RSU1: variants seen among roughly 807,000 people sequenced by gnomAD.
The protein encoded by RSU1 is Ras suppressor protein 1, also known as rsu-1.
A neutral mutation model predicts 31.1 loss-of-function variants in RSU1; 26 were observed. The observed-to-expected ratio is 0.84, with a 90% CI of 0.61 to 1.16. RSU1 has a LOEUF of 1.16. RSU1 is among the 50% of genes most tolerant of loss of function. The pLI, the probability that RSU1 is intolerant of heterozygous loss-of-function variation, is 0.00. For synonymous variants in RSU1, 164 were observed against 136.3 expected (o/e 1.20, Z -1.41); for missense variants, 320 against 339.1 (o/e 0.94, Z 0.44).
At chr10:16,645,012 C>T (rs891468481) in intron 8 of RSU1, among the ~76,000 whole-genome samples, 1 of 152,136 alleles carries the variant, frequency 6.6e-6, no homozygotes, top group Non-Finnish European at 1.5e-5. Flanking sequence ...TCTCAACACG[C>T]TTCCTCATAT....
At chr10:16,647,207 C>G in intron 8 of RSU1, among the ~76,000 whole-genome samples, 1 of 151,984 alleles carries the variant, frequency 6.6e-6, no homozygotes, top group East Asian at 1.9e-4. Flanking sequence ...CTCCTGACCT[C>G]GTGATCTACA....
chr10:16,757,117 G>T (rs1379542825), intron 4 of RSU1, among the ~76,000 whole-genome samples: 1 of 149,872 alleles, frequency 6.7e-6, no homozygotes, highest in Non-Finnish European at 1.5e-5. Context: ...GTGGGTGTGC[G>T]TGTGTGTGTG....
At chr10:16,594,003 T>C (rs1833559332) in intron 8 of RSU1, among the ~76,000 whole-genome samples, 1 of 152,236 alleles carries the variant, frequency 6.6e-6, no homozygotes, top group South Asian at 2.1e-4. Flanking sequence ...TAAGTACCGC[T>C]GATTAAATGC....
chr10:16,703,399 A>T (rs573250985), intron 7 of RSU1, among the ~76,000 whole-genome samples: 1 of 152,220 alleles, frequency 6.6e-6, no homozygotes, highest in Admixed American at 6.5e-5. Context: ...TAAGAGTTGT[A>T]AAAATGTTCA....
At chr10:16,682,535 TACACAC>T (rs68128821) in intron 8 of RSU1, among the ~76,000 whole-genome samples, 4 of 26,470 alleles carry the variant, frequency 1.5e-4, no homozygotes, top group South Asian at 9.3e-4. Flanking sequence ...AAATCATTCA[TACACAC>T]ACACACACAC....
rs138830937 is a variant in RSU1, at chr10:16,702,786, T to A, written c.599-7631A>T. Among the ~76,000 whole-genome samples, 1,317 of 152,244 alleles carry A rather than the reference T, an allele frequency of 8.7e-3. 67 individuals carry two copies. The highest frequency in any genetic ancestry group is 0.077 in the Admixed American group (1,178 of 15,296). The stretch of plus-strand genomic sequence containing the variant: ...GTTAATGCTGGAATGAGTTAAGACT[T>A]TGGGGGACAGTTGGGAAGGCATGAT... On this transcript the variant is annotated intron_variant, in intron 7 of 8. Transcript: ENST00000345264.
intron 2 of RSU1, among the ~76,000 whole-genome samples, chr10:16,803,674 C>T (rs1300444845): frequency 6.6e-6 from 1 of 152,020 alleles, no homozygotes; most frequent in Non-Finnish European, 1.5e-5. Context: ...AGAAATAGAC[C>T]CACACAAATA....
At chr10:16,722,835 T>C (rs190291589) in intron 7 of RSU1, among the ~76,000 whole-genome samples, 18,333 of 113,974 alleles carry the variant, frequency 0.16, 3,137 homozygotes, top group African/African-American at 0.44. Context: ...TACAGCCACA[T>C]ATATGTATAT....
intron 8 of RSU1, among the ~76,000 whole-genome samples, chr10:16,687,015 C>T (rs1043486837): frequency 6.6e-6 from 1 of 152,220 alleles, no homozygotes; most frequent in Non-Finnish European, 1.5e-5. Context: ...CCAGTCAGAG[C>T]TCCCAGGCAA....
intron 7 of RSU1, among the ~76,000 whole-genome samples, chr10:16,741,074 C>G (rs1421704351): frequency 6.6e-6 from 1 of 152,132 alleles, no homozygotes; most frequent in Admixed American, 6.6e-5. Flanking sequence ...TACAAAGCAA[C>G]AGTACTAAAG....
chr10:16,713,549 T>C (rs1028223241), intron 7 of RSU1, among the ~76,000 whole-genome samples: 3 of 152,234 alleles, frequency 2.0e-5, no homozygotes, highest in South Asian at 2.1e-4. Context: ...TGGTTCTTTA[T>C]GACACTTATC....
At chr10:16,608,810 G>A (rs1441882268) in intron 8 of RSU1, among the ~76,000 whole-genome samples, 2 of 152,064 alleles carry the variant, frequency 1.3e-5, no homozygotes, top group African/African-American at 4.8e-5. Context: ...TTGTAGCCCT[G>A]GGTAGATTCA....
At chr10:16,739,985 C>T (rs1432914649) in intron 7 of RSU1, among the ~76,000 whole-genome samples, 1 of 152,060 alleles carries the variant, frequency 6.6e-6, no homozygotes, top group Non-Finnish European at 1.5e-5. Context: ...AGCCTTATAT[C>T]AAAAAACTCA....
intron 8 of RSU1, among the ~76,000 whole-genome samples, chr10:16,651,306 A>G (rs1481029838): frequency 6.6e-6 from 1 of 152,214 alleles, no homozygotes; most frequent in African/African-American, 2.4e-5. Context: ...TTATTCATTT[A>G]TTTTGCCAAC....
chr10:16,797,804 A>C (rs895655467), intron 2 of RSU1, among the ~76,000 whole-genome samples: 2 of 152,038 alleles, frequency 1.3e-5, no homozygotes, highest in African/African-American at 4.8e-5. Context: ...AGAGCAAATA[A>C]ACACAATACG....
At chr10:16,693,767 T>A (rs1329384430) in intron 8 of RSU1, among the ~76,000 whole-genome samples, 1 of 151,936 alleles carries the variant, frequency 6.6e-6, no homozygotes, top group African/African-American at 2.4e-5. Flanking sequence ...AAGGCTGAAA[T>A]GGAAGGATTG....
At chr10:16,764,767 G>A (rs768319428) in intron 3 of RSU1, among the ~76,000 whole-genome samples, 2 of 152,076 alleles carry the variant, frequency 1.3e-5, no homozygotes, top group Non-Finnish European at 2.9e-5. Flanking sequence ...ACAATGAGGG[G>A]GGAAACAGAG....
intron 8 of RSU1, among the ~76,000 whole-genome samples, chr10:16,683,373 G>C (rs904385501): frequency 3.3e-5 from 5 of 152,128 alleles, no homozygotes; most frequent in Non-Finnish European, 5.9e-5. Flanking sequence ...TATTGTGTTT[G>C]TATATTATTT....
At chr10:16,749,307 C>G (rs1836925389) in intron 7 of RSU1, among the ~76,000 whole-genome samples, 3 of 152,202 alleles carry the variant, frequency 2.0e-5, no homozygotes, top group African/African-American at 7.2e-5. Flanking sequence ...TGCTGTGTCC[C>G]TGTATGTTCT....
Sources: allele counts gnomAD v4.1 joint callset (sites outside exome capture counted in the v4.1 genomes callset), GRCh38; gene constraint gnomAD v4.1.1; transcripts MANE v1.5; gene names NCBI Gene and HGNC (gene_info 2026-07-23, HGNC 2026-07-21).